The following CTNND1 variants were observed in gnomAD, a reference collection of about 807,000 sequenced individuals.
The protein encoded by CTNND1 is catenin delta 1, also known as catenin delta-1.
Under a neutral mutation model 112.1 loss-of-function variants are expected in CTNND1, and 16 were observed. The observed-to-expected ratio is 0.14, with a 90% CI of 0.10 to 0.22. The LOEUF is 0.22. Ranked by LOEUF, CTNND1 falls within the 10% of genes least tolerant of loss-of-function variation. CTNND1 has a pLI of 1.00. For synonymous variants in CTNND1, 420 were observed against 446.5 expected (o/e 0.94, Z 0.75); for missense variants, 1,008 against 1,257.0 (o/e 0.80, Z 3.00).
intron 1 of CTNND1, among the ~76,000 whole-genome samples, chr11:57,785,762 C>T (rs549548292): frequency 7.9e-5 from 12 of 151,744 alleles, no homozygotes; most frequent in South Asian, 4.2e-4. Flanking sequence ...TTGGTCAGGC[C>T]GGTCTCAAAC....
At chr11:57,795,460 A>G (rs1338080628) in intron 4 of CTNND1, 117 bp from the exon 5 acceptor site, 6 of 1,109,212 alleles carry the variant, frequency 5.4e-6, no homozygotes, top group African/African-American at 4.8e-5. Flanking sequence ...CCTGAGGCCT[A>G]TAGAAGATGC....
intron 1 of CTNND1, among the ~76,000 whole-genome samples, chr11:57,768,353 A>G (rs1951630042): frequency 6.6e-6 from 1 of 151,364 alleles, no homozygotes; most frequent in Non-Finnish European, 1.5e-5. Flanking sequence ...AGGAAGATAA[A>G]CAGAATGATT....
At chr11:57,816,236 G>T (rs1012670018) in intron 20 of CTNND1, 61 bp from the exon 21 acceptor site, 149 of 1,578,106 alleles carry the variant, frequency 9.4e-5, no homozygotes, top group African/African-American at 3.1e-4. Context: ...CAACTTTTTT[G>T]GGGGGGGTCT....
intron 1 of CTNND1, among the ~76,000 whole-genome samples, chr11:57,765,460 ATTTTTTTTTTTT>A (rs5792061): frequency 9.5e-6 from 1 of 105,600 alleles, no homozygotes; most frequent in Non-Finnish European, 1.9e-5. Flanking sequence ...TCCTCCCTTA[ATTTTTTTTTTTT>A]TTTTTTTTTT....
At chr11:57,801,267 T>C (rs2061994912) in intron 6 of CTNND1, among the ~76,000 whole-genome samples, 1 of 152,226 alleles carries the variant, frequency 6.6e-6, no homozygotes, top group South Asian at 2.1e-4. Flanking sequence ...AGTTGTTTCC[T>C]GTGTGTAAAT....
Position 57,791,448 on chromosome 11 carries a change from C to T in CTNND1, c.-31C>T. 7.1e-7 allele frequency: 1 copy of T among 1,414,706 alleles called. No individual in the cohort carries two copies. Among genetic ancestry groups the T allele is most frequent in the East Asian group, 2.9e-5 (1 of 34,868 alleles). 87.6% of individuals were successfully genotyped at this position (1,414,706 alleles called of 1,614,324 possible). A position where few individuals can be genotyped will look rare whatever the true frequency, so the allele number is the denominator to read the frequency against. ...TCTGTGATTCACCTTCCTTTTTACC[C>T]TGCCCTGCGGCGGCTCCGCCCCTTA... On this transcript the variant is annotated 5_prime_UTR_variant, in exon 3 of 21. Transcript: ENST00000399050.
rs1437311904 is a variant in CTNND1 at position 57,796,608 on chromosome 11, G to T, written c.572G>T (p.Gly191Val). ...DFRKNGNGGP[G>V]PYVGQAGTAT... ...CGCAAGAATGGCAATGGGGGACCTGGTCCCTATGTGGGGCAAGCTGGCACT... is the reference window on the plus strand; with the variant it reads ...CGCAAGAATGGCAATGGGGGACCTGTTCCCTATGTGGGGCAAGCTGGCACT... Residue 191 changes from glycine to valine, a missense_variant, in exon 6 of 21, where the codon GGT (glycine) becomes GTT (valine). Gly to Val is a moderately radical substitution (Grantham distance 109, BLOSUM62 -3). Coordinates refer to ENST00000399050, the MANE Select transcript of CTNND1 (RefSeq NM_001085458.2). 1 of 1,613,836 alleles carries T rather than the reference G, an allele frequency of 6.2e-7. No homozygotes were observed. The highest frequency in any genetic ancestry group is 2.2e-5 in the East Asian group (1 of 44,890).
At position 57,801,765 on chromosome 11, in the gene CTNND1, C is replaced by T. The variant is rs763808134; in HGVS notation, c.989C>T (p.Pro330Leu). 1 of 1,613,514 alleles carries T rather than the reference C, an allele frequency of 6.2e-7. No homozygotes were observed. The highest frequency in any genetic ancestry group is 1.1e-5 in the South Asian group (1 of 91,052). ...GAAGACATGATTGGTGAGGAGGTGC[C>T]ATCGGATCAATACTACTGGGCTCCT... ...SYEDMIGEEV[P>L]SDQYYWAPLA... The change falls in exon 7 of 21, where the codon CCA becomes CTA. Residue 330 changes from proline to leucine, a missense_variant. By Grantham distance (98) the Pro-to-Leu change is moderately conservative. This residue lies in a region of CTNND1 where 216 missense variants were observed against 342.8 expected (regional missense o/e 0.63). Coordinates refer to ENST00000399050, the MANE Select transcript of CTNND1 (RefSeq NM_001085458.2).
rs578024661 is a variant in CTNND1 at position 57,804,865 on chromosome 11, C to T, written c.1722+85C>T. On this transcript the variant is annotated intron_variant, in intron 9 of 20. Transcript: ENST00000399050. ...TCTGTAGGTCAGAGACCTATCATCT[C>T]AGGCTTTCAAGTAACATTAAATATT... is the stretch of plus-strand genomic sequence containing the variant. The T allele has an allele frequency of 4.6e-5, 44 of 957,964 alleles. No homozygotes were observed. In the South Asian group the frequency reaches 5.1e-4, roughly 11 times the overall value. 59.3% of individuals were successfully genotyped at this position (957,964 alleles called of 1,614,324 possible).
chr11:57,772,022 A>G (rs1383406525), intron 1 of CTNND1, among the ~76,000 whole-genome samples: 1 of 151,658 alleles, frequency 6.6e-6, no homozygotes, highest in African/African-American at 2.4e-5. Context: ...CCCACGCTCA[A>G]GCCATCCTCC....
intron 2 of CTNND1, among the ~76,000 whole-genome samples, chr11:57,789,714 A>G (rs2060488875): frequency 6.6e-6 from 1 of 152,306 alleles, no homozygotes; most frequent in Non-Finnish European, 1.5e-5. Flanking sequence ...AAGAAAGTTT[A>G]CAAATTTGTG....
At chr11:57,806,857 G>T in intron 11 of CTNND1, 58 bp from the exon 12 acceptor site, 1 of 1,396,236 alleles carries the variant, frequency 7.2e-7, no homozygotes. Context: ...GTGCCAGGTG[G>T]AATCTTTTCT....
intron 6 of CTNND1, among the ~76,000 whole-genome samples, chr11:57,797,842 C>CAAAAA (rs771815069): frequency 2.0e-4 from 14 of 68,862 alleles, no homozygotes; most frequent in African/African-American, 4.9e-4. Flanking sequence ...AACTCCACCT[C>CAAAAA]AAAAAAAAAA....
chr11:57,785,442 C>CTA (rs2060022892), intron 1 of CTNND1, among the ~76,000 whole-genome samples: 3 of 152,148 alleles, frequency 2.0e-5, no homozygotes, highest in Admixed American at 2.0e-4. Flanking sequence ...ATAACAAAGC[C>CTA]TATACACTTA....
At chr11:57,795,479 T>A in intron 4 of CTNND1, 98 bp from the exon 5 acceptor site, 1 of 1,322,060 alleles carries the variant, frequency 7.6e-7, no homozygotes. Flanking sequence ...GCATGAGGAG[T>A]CCCTGTCTCC....
rs756715043 is a variant in CTNND1 at position 57,796,925 on chromosome 11, G to A, written c.889G>A (p.Gly297Ser). ...TATGGGCTATGATGACCTGGATTAT[G>A]GTATGATGTCTGATTATGGCACTGC... Reference protein sequence around the residue: ...RSMGYDDLDYGMMSDYGTARR... With the variant: ...RSMGYDDLDYSMMSDYGTARR... Residue 297 changes from glycine to serine, a missense_variant, in exon 6 of 21, where the codon GGT becomes AGT. Gly to Ser is a moderately conservative substitution (Grantham distance 56). Around this residue, in one of 5 missense-constraint regions of CTNND1, gnomAD observed 404 missense variants for 457.9 expected, o/e 0.88. Coordinates refer to ENST00000399050, the MANE Select transcript of CTNND1 (RefSeq NM_001085458.2). 2.5e-6 allele frequency: 4 copies of A among 1,576,180 alleles called. No homozygotes were observed. Among genetic ancestry groups the A allele is most frequent in the Non-Finnish European group, 3.5e-6 (4 of 1,156,064 alleles).
chr11:57,777,296 C>CT (rs1323326099), intron 1 of CTNND1, among the ~76,000 whole-genome samples: 5 of 152,074 alleles, frequency 3.3e-5, no homozygotes, highest in Non-Finnish European at 7.4e-5. Flanking sequence ...CTAAATCCTT[C>CT]TTTTTTTGGT....
intron 12 of CTNND1, 137 bp from the exon 13 acceptor site, chr11:57,808,028 T>G: frequency 1.2e-6 from 1 of 859,166 alleles, no homozygotes; most frequent in Non-Finnish European, 1.7e-6. Flanking sequence ...GTAGAGAGTG[T>G]GAGAGAGTTT....
chr11:57,803,640 A>G lies in CTNND1; in HGVS notation c.1440A>G (p.Ser480=), dbSNP rs371716231. Residue 480 remains serine, a synonymous_variant, in exon 8 of 21, where the codon TCA becomes TCG. Coordinates refer to ENST00000399050, the MANE Select transcript of CTNND1 (RefSeq NM_001085458.2). The stretch of plus-strand genomic sequence containing the variant: ...TTCCAGGAACCCTGTGGAATCTTTC[A>G]TCCCATGACTCAATCAAAATGGAGA... ...EVITGTLWNL[S]SHDSIKMEIV... is the part of the protein sequence containing the mutation. 1.2e-5 allele frequency: 19 copies of G among 1,610,912 alleles called. No individual in the cohort carries two copies. In the African/African-American group the frequency reaches 2.3e-4, roughly 19 times the overall value.
Sources: gnomAD v4.1 joint callset for allele counts (sites outside exome capture counted in the v4.1 genomes callset) on GRCh38, gnomAD v4.1.1 for gene constraint, gnomAD v4.1.1 regional missense constraint, MANE v1.5 for transcripts, NCBI Gene and HGNC (gene_info 2026-07-23, HGNC 2026-07-21) for gene names.